The following HCN2 variants were observed in gnomAD, a reference collection of about 807,000 sequenced individuals.
HCN2 encodes potassium/sodium hyperpolarization-activated cyclic nucleotide-gated channel 2.
HCN2 carries 20 observed loss-of-function variants against 52.3 expected under a neutral mutation model. That is an observed-to-expected ratio of 0.38 (90% CI 0.27 to 0.56). The LOEUF (loss-of-function observed/expected upper bound fraction) is 0.56. Among genes scored for constraint, HCN2 ranks in the 20% least tolerant of loss-of-function variants. The probability of loss-of-function intolerance (pLI) is 0.71; values close to 1 mark genes in which losing one functional copy is unlikely to be tolerated. For missense variants in HCN2, 981 were observed against 1,207.7 expected (o/e 0.81, Z 2.78); for synonymous variants, 694 against 537.0 (o/e 1.29, Z -4.04).
Position 589,981 on chromosome 19 carries a change from G to C in HCN2, c.36G>C (p.Glu12Asp). 1.2e-6 allele frequency: 1 copy of C among 828,956 alleles called. No individual in the cohort carries two copies. 51.4% of individuals were successfully genotyped at this position (828,956 alleles called of 1,614,324 possible). A position where few individuals can be genotyped will look rare whatever the true frequency, so the allele number is the denominator to read the frequency against. ...GCGGGGGCGGCGGGCGGCCCGGGGA[G>C]AGCCCGGGCGCGACCCCCGCGCCGG... ...DARGGGGRPG[E>D]SPGATPAPGP... The change falls in exon 1 of 8, where the codon GAG (glutamate) becomes GAC (aspartate). Residue 12 changes from glutamate (E) to aspartate (D), a missense_variant. Coordinates refer to ENST00000251287, the MANE Select transcript of HCN2 (RefSeq NM_001194.4).
chr19:611,190 G>T (rs144971808), intron 5 of HCN2, among the ~76,000 whole-genome samples: 40 of 152,348 alleles, frequency 2.6e-4, no homozygotes, highest in Non-Finnish European at 5.0e-4. Context: ...ATGTCAGCCT[G>T]TCTTTCTGGG....
intron 5 of HCN2, among the ~76,000 whole-genome samples, chr19:611,738 C>T (rs182397658): frequency 2.6e-5 from 4 of 152,274 alleles, no homozygotes; most frequent in Admixed American, 6.5e-5. Context: ...TTCTCATGGG[C>T]CCAAAAGGAG....
At chr19:609,430 A>T (rs1983532116) in intron 4 of HCN2, among the ~76,000 whole-genome samples, 1 of 152,216 alleles carries the variant, frequency 6.6e-6, no homozygotes, top group Non-Finnish European at 1.5e-5. Context: ...TCGTAGAGTC[A>T]GGTGCCCACC....
intron 1 of HCN2, among the ~76,000 whole-genome samples, chr19:601,155 A>G (rs1482198037): frequency 6.6e-6 from 1 of 152,194 alleles, no homozygotes; most frequent in Admixed American, 6.5e-5. Flanking sequence ...TCTACTAAAA[A>G]TACAAAAATG....
At chr19:608,277 A>AGGC in intron 4 of HCN2, 95 bp downstream of exon 4, 1 of 1,150,248 alleles carries the variant, frequency 8.7e-7, no homozygotes, top group Non-Finnish European at 1.3e-6. Flanking sequence ...CTGGGGTCTG[A>AGGC]TGGAGGGAGG....
At chr19:598,504 C>T (rs1983104990) in intron 1 of HCN2, among the ~76,000 whole-genome samples, 2 of 152,106 alleles carry the variant, frequency 1.3e-5, no homozygotes, top group African/African-American at 4.8e-5. Context: ...CGGGATCTCA[C>T]TATCTTGCCC....
Position 607,957 on chromosome 19 carries a change from C to G in HCN2, c.1219-7C>G. The G allele has an allele frequency of 6.2e-7, 1 of 1,604,682 alleles. No individual in the cohort carries two copies. The highest frequency in any genetic ancestry group is 2.0e-4 in the Middle Eastern group (1 of 5,070). ...GCCCACCACCGCCCCTCCTGCTGGC[C>G]TTGCAGAACCACTCGTGGAGTGAAC... is the stretch of plus-strand genomic sequence containing the variant. On this transcript the variant is annotated splice_polypyrimidine_tract_variant and splice_region_variant and intron_variant, in intron 3 of 7. Transcript: ENST00000251287.
At position 592,555 on chromosome 19, in the gene HCN2, C is replaced by T. The variant is rs1024988557; in HGVS notation, c.632+1978C>T. On this transcript the variant is annotated intron_variant, in intron 1 of 7. Transcript: ENST00000251287. This position sits in a 1 kb window ranked among gnomAD's most constrained non-coding sequence, Gnocchi z 4.8. ...TGTGTGGACCAAGTGCAGCCCCACC[C>T]CGGCAGATGAGTGTTGAAGTGGAAC... Among the ~76,000 whole-genome samples the T allele has an allele frequency of 2.0e-5, 3 of 152,150 alleles. No individual in the cohort carries two copies. The highest frequency in any genetic ancestry group is 4.1e-4 in the South Asian group (2 of 4,832).
chr19:616,457 C>T lies in HCN2; in HGVS notation c.2653C>T (p.Leu885Phe), dbSNP rs1331846194. ...LDPQDSARSR[L>F]SSNL ...CCCCCAGGACTCCGCGCGCTCGCGC[C>T]TCTCGTCCAACTTGTGACCCTCGCC... is the stretch of plus-strand genomic sequence containing the variant. Residue 885 changes from leucine (L) to phenylalanine (F), a missense_variant, in exon 8 of 8, where the codon CTC becomes TTC. By Grantham distance (22) the Leu-to-Phe change is conservative. Around this residue, in one of 6 missense-constraint regions of HCN2, gnomAD observed 368 missense variants for 314.8 expected, o/e 1.17. Coordinates refer to ENST00000251287, the MANE Select transcript of HCN2 (RefSeq NM_001194.4). 1 of 1,240,116 alleles carries T rather than the reference C, an allele frequency of 8.1e-7. No homozygotes were observed. Among genetic ancestry groups the T allele is most frequent in the South Asian group, 2.2e-5 (1 of 45,288 alleles). 76.8% of individuals were successfully genotyped at this position (1,240,116 alleles called of 1,614,324 possible). A position where few individuals can be genotyped will look rare whatever the true frequency, so the allele number is the denominator to read the frequency against.
At chr19:596,153 C>T (rs779382045) in intron 1 of HCN2, among the ~76,000 whole-genome samples, 6 of 152,226 alleles carry the variant, frequency 3.9e-5, no homozygotes, top group Non-Finnish European at 2.9e-5. Context: ...GGACCTGCGT[C>T]GGCTTTGGGA....
Position 616,299 on chromosome 19 carries a change from C to T in HCN2, c.2495C>T (p.Pro832Leu). The T allele has an allele frequency of 9.1e-7, 1 of 1,096,830 alleles. No homozygotes were observed. Among genetic ancestry groups the T allele is most frequent in the Non-Finnish European group, 1.1e-6 (1 of 900,016 alleles). The allele number at this position is 1,096,830 out of a possible 1,614,324, so 67.9% of individuals were successfully genotyped here. Residue 832 changes from proline to leucine, a missense_variant, in exon 8 of 8, where the codon CCC becomes CTC. Pro to Leu is a moderately conservative substitution (Grantham distance 98). Coordinates refer to ENST00000251287, the MANE Select transcript of HCN2 (RefSeq NM_001194.4). ...CAGCCCTCGCTGCCTCACGGCGCCC[C>T]CGGCCCCGCGGCCTCCACACGCCCG... ...ASQPSLPHGAPGPAASTRPAS... is the reference protein window; with the variant it reads ...ASQPSLPHGALGPAASTRPAS...
intron 2 of HCN2, among the ~76,000 whole-genome samples, chr19:604,546 C>T (rs1283851870): frequency 9.4e-6 from 1 of 106,062 alleles, no homozygotes; most frequent in African/African-American, 4.2e-5. Context: ...TGGGCGGGGT[C>T]AAGGCATCAG....
intron 1 of HCN2, among the ~76,000 whole-genome samples, chr19:602,382 C>T (rs112317072): frequency 0.02 from 1,708 of 85,906 alleles, 10 homozygotes; most frequent in African/African-American, 0.079. Context: ...ACGCCCCACT[C>T]CCTCCTCTCT....
intron 3 of HCN2, among the ~76,000 whole-genome samples, chr19:605,695 GTGGGGA>G: frequency 1.4e-5 from 1 of 69,298 alleles, no homozygotes; most frequent in Non-Finnish European, 2.8e-5. Context: ...CCTTACAGAG[GTGGGGA>G]CCCAGGCGCC....
chr19:603,498 G>A (rs757878864), intron 1 of HCN2, 46 bp from the exon 2 acceptor site: 4 of 1,490,828 alleles, frequency 2.7e-6, no homozygotes, highest in East Asian at 2.3e-5. Context: ...TCCCGCAGGT[G>A]CCCCGGGGAG....
chr19:614,082 A>AGGCGGG (rs1983795402), intron 7 of HCN2, 66 bp downstream of exon 7: 1 of 553,314 alleles, frequency 1.8e-6, no homozygotes, highest in African/African-American at 4.8e-5. Context: ...CCAAGGCATC[A>AGGCGGG]GGAGAGTGGC....
rs1341931180 is a variant in HCN2 at position 616,179 on chromosome 19, C to A, written c.2375C>A (p.Thr792Asn). 2 of 977,882 alleles carry A rather than the reference C, an allele frequency of 2.0e-6. No homozygotes were observed. The highest frequency in any genetic ancestry group is 1.1e-4 in the East Asian group (1 of 8,702). 60.6% of individuals were successfully genotyped at this position (977,882 alleles called of 1,614,324 possible). ...GAPASPRAPRTSPYGGLPAAP... is the reference protein window; with the variant it reads ...GAPASPRAPRNSPYGGLPAAP... ...CCCGCCAGCCCCCGGGCACCGCGGA[C>A]CTCGCCCTACGGCGGCCTGCCCGCC... The change falls in exon 8 of 8, where the codon ACC becomes AAC. Residue 792 changes from threonine (T) to asparagine (N), a missense_variant. This residue lies in a region of HCN2 where 368 missense variants were observed against 314.8 expected (regional missense o/e 1.17). Transcript: ENST00000251287.
At chr19:600,628 A>ACCT (rs1568362856) in intron 1 of HCN2, among the ~76,000 whole-genome samples, 1 of 151,168 alleles carries the variant, frequency 6.6e-6, no homozygotes, top group African/African-American at 2.4e-5. Context: ...TACAGACGTG[A>ACCT]GCCACCACAC....
Position 616,996 on chromosome 19 carries a change from G to C in HCN2, c.*522G>C, listed in dbSNP as rs186529608. The C allele has an allele frequency of 0.012, 5,850 of 499,312 alleles. 284 individuals are homozygous for C. The highest frequency in any genetic ancestry group is 0.1 in the African/African-American group (5,319 of 51,384). The allele number at this position is 499,312 out of a possible 1,614,324, so 30.9% of individuals were successfully genotyped here. A position where few individuals can be genotyped will look rare whatever the true frequency, so the allele number is the denominator to read the frequency against. On this transcript the variant is annotated 3_prime_UTR_variant, in exon 8 of 8. Coordinates refer to ENST00000251287, the MANE Select transcript of HCN2 (RefSeq NM_001194.4). ...CCCGCCTCCCTCCAGCACTGGCACC[G>C]AGAGGCAGGCCTGGCTGCGCAGGGC...
Sources: allele counts gnomAD v4.1 joint callset (sites outside exome capture counted in the v4.1 genomes callset), GRCh38; gene constraint gnomAD v4.1.1; regional missense constraint gnomAD v4.1.1; non-coding constraint Gnocchi (gnomAD v3.1); transcripts MANE v1.5; gene names NCBI Gene and HGNC (gene_info 2026-07-23, HGNC 2026-07-21).